The following HIRA variants were observed in gnomAD, a reference collection of about 807,000 sequenced individuals.
HIRA encodes the protein histone cell cycle regulator.
A neutral mutation model predicts 126.6 loss-of-function variants in HIRA; 13 were observed. The observed-to-expected ratio is 0.10, with a 90% CI of 0.07 to 0.16. HIRA has a LOEUF of 0.16. Among genes scored for constraint, HIRA ranks in the 10% least tolerant of loss-of-function variants. HIRA has a pLI of 1.00. For missense variants in HIRA, 834 were observed against 1,314.4 expected (o/e 0.63, Z 5.65); for synonymous variants, 511 against 520.0 (o/e 0.98, Z 0.24).
At chr22:19,405,462 C>T (rs1276195724) in intron 5 of HIRA, 12 of 984,534 alleles carry the variant, frequency 1.2e-5, no homozygotes, top group African/African-American at 3.5e-5. Flanking sequence ...AGTGTGCTTA[C>T]GGACTTAGTG....
At chr22:19,356,748 T>C in intron 19 of HIRA, 142 bp downstream of exon 19, 1 of 785,472 alleles carries the variant, frequency 1.3e-6, no homozygotes. Flanking sequence ...ACACAAGCAA[T>C]ATCACTAACT....
At chr22:19,414,318 C>T (rs1399666673) in intron 1 of HIRA, among the ~76,000 whole-genome samples, 1 of 152,164 alleles carries the variant, frequency 6.6e-6, no homozygotes, top group Non-Finnish European at 1.5e-5. Flanking sequence ...CAGGTAGAAT[C>T]GTACCCTCCT....
chr22:19,368,226 A>G (rs1601822428), intron 15 of HIRA, among the ~76,000 whole-genome samples: 1 of 152,304 alleles, frequency 6.6e-6, no homozygotes, highest in South Asian at 2.1e-4. Flanking sequence ...AGATACACAC[A>G]CCAGCGTGTA....
intron 1 of HIRA, 109 bp downstream of exon 1, chr22:19,431,331 G>C: frequency 2.4e-6 from 3 of 1,261,818 alleles, no homozygotes; most frequent in Non-Finnish European, 3.4e-6. Context: ...TGGGCACCGG[G>C]TACCGGGCGT....
At chr22:19,332,821 A>AT (rs1281904516) in intron 24 of HIRA, among the ~76,000 whole-genome samples, 87 of 151,868 alleles carry the variant, frequency 5.7e-4, no homozygotes, top group Admixed American at 1.3e-3. Flanking sequence ...AGAAAAAAAC[A>AT]TTTTTTTTAA....
rs1275319906 is a variant in HIRA, at chr22:19,351,011, C to G, written c.2937+347G>C. 2.6e-6 allele frequency: 1 copy of G among 381,930 alleles called. No homozygotes were observed. The highest frequency in any genetic ancestry group is 2.2e-5 in the African/African-American group (1 of 45,686). The allele number at this position is 381,930 out of a possible 1,614,324, so 23.7% of individuals were successfully genotyped here. ...GTCTGAAAATATTTTGTTGACCTAA[C>G]TGCCTCCCTGTTTATGTGTGCATCC... On this transcript the variant is annotated intron_variant, in intron 24 of 24. Transcript: ENST00000263208. The surrounding 1 kb of genome is among the most constrained non-coding windows in gnomAD (Gnocchi z 4.8).
intron 24 of HIRA, among the ~76,000 whole-genome samples, chr22:19,337,310 C>CA (rs1257316104): frequency 1.3e-5 from 2 of 151,234 alleles, no homozygotes; most frequent in Non-Finnish European, 2.9e-5. Flanking sequence ...AAGAAAAAAT[C>CA]AAAAAATCAA....
chr22:19,376,830 A>G (rs1467731047), intron 14 of HIRA, among the ~76,000 whole-genome samples: 2 of 152,212 alleles, frequency 1.3e-5, no homozygotes, highest in Admixed American at 1.3e-4. Context: ...AGGGGGCTGC[A>G]GTAACACAAG....
chr22:19,375,250 C>T (rs2089006946), intron 15 of HIRA, among the ~76,000 whole-genome samples: 2 of 152,322 alleles, frequency 1.3e-5, no homozygotes, highest in South Asian at 4.1e-4. Flanking sequence ...GGAAGGCCGT[C>T]ACTTCCATGA....
At chr22:19,345,565 C>T (rs71328300) in intron 24 of HIRA, among the ~76,000 whole-genome samples, 298 of 152,244 alleles carry the variant, frequency 2.0e-3, no homozygotes, top group Admixed American at 4.1e-3. Flanking sequence ...GAGGGGAAGA[C>T]GGTTTCAGGA....
chr22:19,398,293 G>A (rs28444159), intron 5 of HIRA, among the ~76,000 whole-genome samples: 4,615 of 152,278 alleles, frequency 0.03, 144 homozygotes, highest in South Asian at 0.13. Context: ...TTTTACAGAC[G>A]AAGCAACTGA....
At chr22:19,356,143 C>T (rs2088809798) in intron 20 of HIRA, 87 bp downstream of exon 20, 2 of 1,280,206 alleles carry the variant, frequency 1.6e-6, no homozygotes, top group Admixed American at 1.7e-5. Flanking sequence ...GAGGCCAGAG[C>T]CTGGCTCTCT....
chr22:19,423,390 TA>T (rs975616485), intron 1 of HIRA, among the ~76,000 whole-genome samples: 2 of 151,972 alleles, frequency 1.3e-5, no homozygotes, highest in African/African-American at 4.8e-5. Context: ...CCAGGATGCA[TA>T]ACAGGCTGCT....
chr22:19,406,856 C>T (rs936912345), intron 4 of HIRA, among the ~76,000 whole-genome samples: 2 of 152,074 alleles, frequency 1.3e-5, no homozygotes, highest in African/African-American at 2.4e-5. Context: ...ACCAGAGCAC[C>T]CTGACTTTTA....
At chr22:19,383,849 A>G in intron 12 of HIRA, 144 bp from the exon 13 acceptor site, 2 of 638,000 alleles carry the variant, frequency 3.1e-6, no homozygotes, top group South Asian at 1.9e-5. Flanking sequence ...AGTATGCAAT[A>G]TCATATTGTG....
intron 4 of HIRA, among the ~76,000 whole-genome samples, chr22:19,406,159 T>C (rs892830282): frequency 2.0e-5 from 3 of 152,130 alleles, no homozygotes; most frequent in African/African-American, 7.2e-5. Context: ...ATATCACTTA[T>C]GTAAAGGAAA....
intron 16 of HIRA, among the ~76,000 whole-genome samples, 157 bp from the exon 17 acceptor site, chr22:19,361,498 C>T (rs2146197764): frequency 6.6e-6 from 1 of 152,342 alleles, no homozygotes; most frequent in South Asian, 2.1e-4. Context: ...ATCCTAACCT[C>T]ATGGACAAGC....
At chr22:19,336,892 G>C (rs1336311158) in intron 24 of HIRA, among the ~76,000 whole-genome samples, 2 of 152,168 alleles carry the variant, frequency 1.3e-5, no homozygotes, top group Non-Finnish European at 2.9e-5. Context: ...CTCAACAGCA[G>C]CCTCTGAGTT....
intron 14 of HIRA, among the ~76,000 whole-genome samples, chr22:19,377,481 C>T (rs1403518177): frequency 6.6e-6 from 1 of 152,066 alleles, no homozygotes; most frequent in Non-Finnish European, 1.5e-5. Context: ...ACAGGAGAAC[C>T]CTGCCTAAGA....
Sources: allele counts gnomAD v4.1 joint callset (sites outside exome capture counted in the v4.1 genomes callset), GRCh38; gene constraint gnomAD v4.1.1; non-coding constraint Gnocchi (gnomAD v3.1); transcripts MANE v1.5; gene names NCBI Gene and HGNC (gene_info 2026-07-23, HGNC 2026-07-21).